BRWD1: variants seen among roughly 807,000 people sequenced by gnomAD.
BRWD1 encodes bromodomain and WD repeat domain containing 1.
Under a neutral mutation model 251.2 loss-of-function variants are expected in BRWD1, and 82 were observed. The observed-to-expected ratio is 0.33, with a 90% CI of 0.27 to 0.39. BRWD1 has a LOEUF of 0.39. Ranked by LOEUF, BRWD1 falls within the 10% of genes least tolerant of loss-of-function variation. BRWD1 has a pLI of 1.00. For missense variants in BRWD1, 2,233 were observed against 2,711.6 expected (o/e 0.82, Z 3.92); for synonymous variants, 918 against 902.8 (o/e 1.02, Z -0.30).
chr21:39,244,868 T>C (rs73359508), intron 21 of BRWD1, among the ~76,000 whole-genome samples: 1 of 142,770 alleles, frequency 7.0e-6, no homozygotes. Flanking sequence ...ACAACCTGAC[T>C]ATCCAATTGC....
intron 29 of BRWD1, among the ~76,000 whole-genome samples, chr21:39,222,097 T>C (rs34035316): frequency 0.3 from 46,099 of 151,858 alleles, 7,455 homozygotes; most frequent in Middle Eastern, 0.36. Context: ...ACATACACTG[T>C]TGCTGGAAAT....
At chr21:39,201,693 C>T (rs1457139248) in intron 38 of BRWD1, among the ~76,000 whole-genome samples, 1 of 152,178 alleles carries the variant, frequency 6.6e-6, no homozygotes, top group Non-Finnish European at 1.5e-5. Context: ...TAATGTGATA[C>T]ACATGAACTT....
chr21:39,245,511 A>T (rs1163951050), intron 21 of BRWD1, among the ~76,000 whole-genome samples: 1 of 152,156 alleles, frequency 6.6e-6, no homozygotes, highest in Non-Finnish European at 1.5e-5. Context: ...CAATTAAATG[A>T]ACTTTTCAGT....
intron 4 of BRWD1, among the ~76,000 whole-genome samples, chr21:39,305,385 T>A (rs554135395): frequency 1.3e-5 from 2 of 152,360 alleles, no homozygotes; most frequent in African/African-American, 4.8e-5. Context: ...ACAAATAACT[T>A]CTTCTTGTTG....
chr21:39,232,625 T>C (rs1440063859), intron 23 of BRWD1, 127 bp from the exon 24 acceptor site: 1 of 1,026,934 alleles, frequency 9.7e-7, no homozygotes. Context: ...TAATGATTAG[T>C]TTTCACACAG....
chr21:39,222,268 G>GA (rs1382481814), intron 29 of BRWD1, among the ~76,000 whole-genome samples: 1 of 152,176 alleles, frequency 6.6e-6, no homozygotes, highest in Admixed American at 6.5e-5. Flanking sequence ...CCAAATAATG[G>GA]AAGCAATCCA....
chr21:39,272,608 CT>C lies in BRWD1; in HGVS notation c.1244+1765del, dbSNP rs777403730. On this transcript the variant is annotated intron_variant, in intron 13 of 40. Coordinates refer to ENST00000342449, the MANE Select transcript of BRWD1 (RefSeq NM_033656.4). ...AAAGGCTTTTGAAGTAATAACATTG[CT>C]TTTTTTTTTTTTTTTTGAGGTGGAG... is the stretch of plus-strand genomic sequence containing the variant. Among the ~76,000 whole-genome samples, 594 of 131,838 alleles carry C rather than the reference CT, an allele frequency of 4.5e-3. 1 individual carries two copies. Among genetic ancestry groups the C allele is most frequent in the South Asian group, 7.3e-3 (29 of 3,974 alleles). The allele number at this position is 131,838 out of a possible 152,430, so 86.5% of individuals were successfully genotyped here. A position where few individuals can be genotyped will look rare whatever the true frequency, so the allele number is the denominator to read the frequency against.
chr21:39,249,019 AT>A, intron 20 of BRWD1, among the ~76,000 whole-genome samples: 1 of 151,928 alleles, frequency 6.6e-6, no homozygotes, highest in East Asian at 1.9e-4. Context: ...AAACTATGGA[AT>A]ACTACCCAGC....
At chr21:39,310,431 G>A (rs1038506873) in intron 4 of BRWD1, among the ~76,000 whole-genome samples, 1 of 152,168 alleles carries the variant, frequency 6.6e-6, no homozygotes, top group Non-Finnish European at 1.5e-5. Context: ...CTGAAGTCAG[G>A]AGTTCGAGAC....
chr21:39,206,474 A>G (rs979540082), intron 36 of BRWD1, among the ~76,000 whole-genome samples, 200 bp from the exon 37 acceptor site: 6 of 152,244 alleles, frequency 3.9e-5, no homozygotes, highest in Non-Finnish European at 8.8e-5. Context: ...CTCTCAGATG[A>G]TAAGAAAGTA....
Position 39,190,019 on chromosome 21 carries a change from C to CAAG in BRWD1, c.*6237_*6239dup. On this transcript the variant is annotated 3_prime_UTR_variant, in exon 41 of 41. Coordinates refer to ENST00000342449, the MANE Select transcript of BRWD1 (RefSeq NM_033656.4). ...GAAGTGATTCCCTACTTGGGTATGG[C>CAAG]AAGAACACATCAGTAGTGTAAAACT... 1 of 985,298 alleles carries CAAG rather than the reference C, an allele frequency of 1.0e-6. No individual in the cohort carries two copies. The highest frequency in any genetic ancestry group is 1.2e-6 in the Non-Finnish European group (1 of 829,884). 61.0% of individuals were successfully genotyped at this position (985,298 alleles called of 1,614,324 possible).
In BRWD1 at chr21:39,194,520, G is replaced by T. The variant is rs980726562; in HGVS notation, c.*1739C>A. ...AAAAGCATCATAGTTCTGAAATGGT[G>T]ATAGCTCTCTAAGCCACAAATGAGA... On this transcript the variant is annotated 3_prime_UTR_variant, in exon 41 of 41. Coordinates refer to ENST00000342449, the MANE Select transcript of BRWD1 (RefSeq NM_033656.4). 3.5e-6 allele frequency: 5 copies of T among 1,429,502 alleles called. No individual in the cohort carries two copies. The highest frequency in any genetic ancestry group is 4.6e-6 in the Non-Finnish European group (5 of 1,097,602). The allele number at this position is 1,429,502 out of a possible 1,614,324, so 88.6% of individuals were successfully genotyped here. A position where few individuals can be genotyped will look rare whatever the true frequency, so the allele number is the denominator to read the frequency against.
intron 33 of BRWD1, 94 bp downstream of exon 33, chr21:39,213,387 A>C (rs1360471608): frequency 2.0e-6 from 2 of 996,708 alleles, no homozygotes; most frequent in African/African-American, 1.6e-5. Flanking sequence ...TTGGACTACT[A>C]CAAGAGTTGG....
intron 28 of BRWD1, 93 bp downstream of exon 28, chr21:39,224,993 C>A: frequency 1.0e-6 from 1 of 963,116 alleles, no homozygotes; most frequent in South Asian, 1.4e-5. Context: ...AGATAAAAAC[C>A]ATGTTTTTTT....
intron 4 of BRWD1, among the ~76,000 whole-genome samples, chr21:39,310,175 C>T (rs1292780091): frequency 1.3e-5 from 2 of 152,106 alleles, no homozygotes; most frequent in African/African-American, 4.8e-5. Flanking sequence ...ATATGTATAC[C>T]TCAAACAGAA....
At chr21:39,278,842 A>C (rs2035360820) in intron 9 of BRWD1, 29 bp from the exon 10 acceptor site, 1 of 1,524,208 alleles carries the variant, frequency 6.6e-7, no homozygotes, top group Admixed American at 2.1e-5. Context: ...CTGCTTTAAA[A>C]TAGATTATTT....
intron 4 of BRWD1, among the ~76,000 whole-genome samples, chr21:39,311,993 G>A (rs959885300): frequency 2.6e-5 from 4 of 152,130 alleles, no homozygotes; most frequent in Admixed American, 2.0e-4. Context: ...TATACAAGAT[G>A]CTGAATATGG....
intron 36 of BRWD1, among the ~76,000 whole-genome samples, chr21:39,207,439 GAAA>G (rs1258104241): frequency 3.9e-5 from 2 of 50,790 alleles, no homozygotes; most frequent in African/African-American, 1.8e-4. Flanking sequence ...AAAAAAAAAA[GAAA>G]AAAAAGAAAA....
intron 39 of BRWD1, among the ~76,000 whole-genome samples, 179 bp downstream of exon 39, chr21:39,200,040 A>G (rs568316883): frequency 6.6e-6 from 1 of 152,364 alleles, no homozygotes; most frequent in East Asian, 1.9e-4. Flanking sequence ...GGCGTGAGCC[A>G]CCGCACCCAG....
Sources: gnomAD v4.1 joint callset for allele counts (sites outside exome capture counted in the v4.1 genomes callset) on GRCh38, gnomAD v4.1.1 for gene constraint, MANE v1.5 for transcripts, NCBI Gene and HGNC (gene_info 2026-07-23, HGNC 2026-07-21) for gene names.